Variants in DMXL2 observed in about 807,000 individuals in gnomAD.
The protein encoded by DMXL2 is Dmx like 2, also known as dmX-like protein 2.
Under a neutral mutation model 331.1 loss-of-function variants are expected in DMXL2, and 103 were observed. That is an observed-to-expected ratio of 0.31 (90% CI 0.27 to 0.37). The LOEUF (loss-of-function observed/expected upper bound fraction) is 0.37. Ranked by LOEUF, DMXL2 falls within the 10% of genes least tolerant of loss-of-function variation. The pLI is 1.00. For synonymous variants in DMXL2, 1,281 were observed against 1,252.1 expected (o/e 1.02, Z -0.49); for missense variants, 3,171 against 3,642.9 (o/e 0.87, Z 3.33).
At chr15:51,600,740 A>C (rs1201388318) in intron 1 of DMXL2, among the ~76,000 whole-genome samples, 9 of 152,218 alleles carry the variant, frequency 5.9e-5, no homozygotes, top group Admixed American at 5.9e-4. Context: ...ATAGGACAAG[A>C]ACCACAAGGG....
intron 1 of DMXL2, among the ~76,000 whole-genome samples, chr15:51,621,088 T>C (rs2054596741): frequency 8.5e-6 from 1 of 117,468 alleles, no homozygotes; most frequent in East Asian, 2.2e-4. Flanking sequence ...ATTTCTTCTC[T>C]CTATCCCCAA....
chr15:51,468,682 A>G (rs760378963), intron 29 of DMXL2, among the ~76,000 whole-genome samples: 5 of 152,232 alleles, frequency 3.3e-5, no homozygotes, highest in Non-Finnish European at 7.3e-5. Flanking sequence ...TGACAGGATT[A>G]TATTATCATA....
intron 32 of DMXL2, among the ~76,000 whole-genome samples, chr15:51,464,437 C>T (rs189180890): frequency 5.9e-5 from 9 of 151,958 alleles, no homozygotes; most frequent in South Asian, 2.1e-4. Context: ...AACACCACAC[C>T]GGAAATTAAT....
chr15:51,591,977 A>G (rs1351069462), intron 1 of DMXL2, among the ~76,000 whole-genome samples: 1 of 152,232 alleles, frequency 6.6e-6, no homozygotes, highest in African/African-American at 2.4e-5. Flanking sequence ...AAAACAGAGC[A>G]GAAAAACTGG....
intron 1 of DMXL2, among the ~76,000 whole-genome samples, chr15:51,598,794 G>C (rs1427742321): frequency 6.6e-6 from 1 of 152,124 alleles, no homozygotes; most frequent in African/African-American, 2.4e-5. Context: ...TGTTTACTTT[G>C]GACAGCAAAT....
At chr15:51,616,618 T>G (rs538851648) in intron 1 of DMXL2, among the ~76,000 whole-genome samples, 1 of 152,280 alleles carries the variant, frequency 6.6e-6, no homozygotes, top group African/African-American at 2.4e-5. Flanking sequence ...ACTGAAATAT[T>G]TGGCTTCCAA....
At position 51,576,092 on chromosome 15, in the gene DMXL2, T is replaced by C. The variant is rs34998785; in HGVS notation, c.177A>G (p.Gln59=). 5.5e-3 allele frequency: 8,762 copies of C among 1,607,310 alleles called. 374 individuals are homozygous for C. In the African/African-American group the frequency reaches 0.095, roughly 17 times the overall value. The part of the protein sequence containing the change: ...IIPGAKHGNI[Q]VSCVECSNQQ... ...GGTTAGAACACTCCACACAGCTGAC[T>C]TGGATGTTTCCATGCTTAGCACCAG... The change falls in exon 2 of 44, where the codon CAA becomes CAG. Residue 59 remains glutamine (Q), a synonymous_variant. Transcript: ENST00000560891.
At chr15:51,528,548 G>T (rs1027914690) in intron 13 of DMXL2, among the ~76,000 whole-genome samples, 3 of 152,062 alleles carry the variant, frequency 2.0e-5, no homozygotes, top group African/African-American at 7.2e-5. Context: ...ATATAATGCT[G>T]AAGGGGTCAA....
intron 1 of DMXL2, among the ~76,000 whole-genome samples, chr15:51,619,355 T>C (rs1050877322): frequency 2.0e-5 from 3 of 152,222 alleles, no homozygotes; most frequent in Non-Finnish European, 4.4e-5. Flanking sequence ...AAATGTGATA[T>C]CTACAGCTAC....
chr15:51,515,981 A>G (rs2047015058), intron 14 of DMXL2, among the ~76,000 whole-genome samples: 1 of 152,220 alleles, frequency 6.6e-6, no homozygotes, highest in Non-Finnish European at 1.5e-5. Flanking sequence ...TATTAGCAAT[A>G]TGGGTCTGGC....
chr15:51,534,390 T>C (rs911301738), intron 13 of DMXL2, among the ~76,000 whole-genome samples: 4 of 152,214 alleles, frequency 2.6e-5, no homozygotes, highest in African/African-American at 7.2e-5. Context: ...GGTACTCTCA[T>C]ACGCAAGAAA....
chr15:51,567,460 T>C (rs932860196), intron 3 of DMXL2: 1 of 152,144 alleles, frequency 6.6e-6, no homozygotes, highest in African/African-American at 2.4e-5. Context: ...GTAAAAAAAT[T>C]TTTAAATAGC....
chr15:51,574,037 A>G (rs2050850231), intron 2 of DMXL2, among the ~76,000 whole-genome samples: 1 of 152,204 alleles, frequency 6.6e-6, no homozygotes, highest in Admixed American at 6.5e-5. Context: ...TTCAAATAAA[A>G]TGGCCTAATT....
In DMXL2 at chr15:51,448,293, C is replaced by T. The variant is rs551046592; in HGVS notation, c.*691G>A. The T allele has an allele frequency of 3.3e-5, 5 of 152,944 alleles. No individual in the cohort carries two copies. Among genetic ancestry groups the T allele is most frequent in the African/African-American group, 1.2e-4 (5 of 41,430 alleles). The allele number at this position is 152,944 out of a possible 1,614,324, so 9.5% of individuals were successfully genotyped here. The stretch of plus-strand genomic sequence containing the variant: ...GTTAACTACAAATATGTCATGTTCA[C>T]ATAGTACATTCCTAACATGAAGGCA... On this transcript the variant is annotated 3_prime_UTR_variant, in exon 44 of 44. Coordinates refer to ENST00000560891, the MANE Select transcript of DMXL2 (RefSeq NM_001378457.1).
chr15:51,519,998 G>C (rs1334715382), intron 13 of DMXL2, among the ~76,000 whole-genome samples: 2 of 152,082 alleles, frequency 1.3e-5, no homozygotes, highest in Non-Finnish European at 2.9e-5. Flanking sequence ...CTTTGAGAAA[G>C]CAGAGCAAAA....
chr15:51,607,537 A>G (rs903261297), intron 1 of DMXL2, among the ~76,000 whole-genome samples: 1 of 152,226 alleles, frequency 6.6e-6, no homozygotes, highest in South Asian at 2.1e-4. Flanking sequence ...AGTCTGAAAC[A>G]TATTTATTTG....
Position 51,529,823 on chromosome 15 carries a change from A to G in DMXL2, c.2436+5840T>C, listed in dbSNP as rs551219310. On this transcript the variant is annotated intron_variant, in intron 13 of 43. Transcript: ENST00000560891. ...ATCAAAAAAAGAACACTACAGGTCAATAACTCTGATGAATATTGATGCAAA... is the reference window on the plus strand; with the variant it reads ...ATCAAAAAAAGAACACTACAGGTCAGTAACTCTGATGAATATTGATGCAAA... 5.3e-5 allele frequency among the ~76,000 whole-genome samples: 8 copies of G among 152,338 alleles called. No homozygotes were observed. In the East Asian group the frequency reaches 1.5e-3, roughly 29 times the overall value.
chr15:51,492,819 A>G (rs1035903573), intron 19 of DMXL2, among the ~76,000 whole-genome samples: 2 of 152,242 alleles, frequency 1.3e-5, no homozygotes. Flanking sequence ...AAGTCACATT[A>G]CAACATAGGC....
chr15:51,454,383 C>A (rs1394338750), intron 40 of DMXL2, among the ~76,000 whole-genome samples: 1 of 151,962 alleles, frequency 6.6e-6, no homozygotes, highest in Non-Finnish European at 1.5e-5. Context: ...ATCTACTTAT[C>A]TTCATCACCA....
Sources: gnomAD v4.1 joint callset for allele counts (sites outside exome capture counted in the v4.1 genomes callset) on GRCh38, gnomAD v4.1.1 for gene constraint, MANE v1.5 for transcripts, NCBI Gene and HGNC (gene_info 2026-07-23, HGNC 2026-07-21) for gene names.